MARCHF1: variants seen among roughly 807,000 people sequenced by gnomAD.
MARCHF1 encodes the protein E3 ubiquitin-protein ligase MARCHF1.
MARCHF1 carries 40 observed loss-of-function variants against 54.2 expected under a neutral mutation model. That is an observed-to-expected ratio of 0.74 (90% CI 0.57 to 0.96). The LOEUF is 0.96. Among genes scored for constraint, MARCHF1 ranks in the 40% least tolerant of loss-of-function variants. MARCHF1 has a pLI of 0.00. For missense variants in MARCHF1, 586 were observed against 656.5 expected (o/e 0.89, Z 1.17); for synonymous variants, 236 against 236.3 (o/e 1.00, Z 0.01).
At chr4:164,284,319 T>TGAGAGAGAGAGAGACA (rs1270262835) in intron 1 of MARCHF1, among the ~76,000 whole-genome samples, 6 of 126,072 alleles carry the variant, frequency 4.8e-5, no homozygotes, top group African/African-American at 2.1e-4. Context: ...CTAAAGAAAG[T>TGAGAGAGAGAGAGACA]GAGAGAGAGA....
At chr4:163,610,243 T>C (rs143607307) in intron 7 of MARCHF1, among the ~76,000 whole-genome samples, 1 of 152,196 alleles carries the variant, frequency 6.6e-6, no homozygotes, top group Non-Finnish European at 1.5e-5. Context: ...ACTTAGATCA[T>C]AAGCCACTTA....
chr4:164,038,124 G>A (rs537210764), intron 2 of MARCHF1, among the ~76,000 whole-genome samples: 72 of 152,198 alleles, frequency 4.7e-4, no homozygotes, highest in Non-Finnish European at 7.9e-4. Context: ...GTTACAATTA[G>A]AGAAATACTG....
chr4:164,084,501 CTTTT>C (rs1178856033), intron 2 of MARCHF1, among the ~76,000 whole-genome samples: 1 of 151,690 alleles, frequency 6.6e-6, no homozygotes, highest in Admixed American at 6.6e-5. Context: ...GATTAAAAAA[CTTTT>C]TATTTGTAGA....
intron 9 of MARCHF1, among the ~76,000 whole-genome samples, chr4:163,542,914 G>A (rs1168540748): frequency 3.3e-5 from 5 of 152,162 alleles, no homozygotes; most frequent in African/African-American, 1.2e-4. Flanking sequence ...GTTGGGATGA[G>A]GGAGGTGTGT....
rs3059785 is a variant in MARCHF1, at chr4:164,168,663, TACACACACACAC to T, written c.-322-57013_-322-57002del. On this transcript the variant is annotated intron_variant, in intron 1 of 9. Coordinates refer to ENST00000514618, the MANE Select transcript of MARCHF1 (RefSeq NM_001394959.1). ...TGCATGATCTCACTTTTATGTGGAA[TACACACACACAC>T]ACACACACACACACAAACACATAGA... 1.1e-4 allele frequency among the ~76,000 whole-genome samples: 16 copies of T among 147,166 alleles called. No individual in the cohort carries two copies. In the South Asian group the frequency reaches 2.1e-3, roughly 20 times the overall value.
intron 4 of MARCHF1, among the ~76,000 whole-genome samples, chr4:163,839,851 G>C (rs1445515380): frequency 6.6e-6 from 1 of 151,938 alleles, no homozygotes; most frequent in South Asian, 2.1e-4. Context: ...TGCTTTAAAT[G>C]AATCAACTTA....
chr4:163,985,178 C>T (rs555349195), intron 3 of MARCHF1, among the ~76,000 whole-genome samples: 1 of 132,426 alleles, frequency 7.6e-6, no homozygotes, highest in Admixed American at 8.4e-5. Context: ...CCAATATCTA[C>T]TCACTTCATA....
At chr4:163,725,674 A>G (rs1429946619) in intron 4 of MARCHF1, among the ~76,000 whole-genome samples, 1 of 152,194 alleles carries the variant, frequency 6.6e-6, no homozygotes, top group Admixed American at 6.5e-5. Flanking sequence ...ATAGAACAGC[A>G]TGTCAGGGCA....
intron 4 of MARCHF1, among the ~76,000 whole-genome samples, chr4:163,844,018 G>A (rs191778403): frequency 6.6e-6 from 1 of 151,876 alleles, no homozygotes; most frequent in Non-Finnish European, 1.5e-5. Flanking sequence ...TACAAGTACA[G>A]TTTTGTTACA....
chr4:163,914,520 A>T (rs945705901), intron 3 of MARCHF1, among the ~76,000 whole-genome samples: 3 of 152,176 alleles, frequency 2.0e-5, no homozygotes, highest in African/African-American at 7.2e-5. Context: ...AAATTAATAA[A>T]TTAAAAAGAA....
chr4:164,336,442 T>C (rs1729741230), intron 1 of MARCHF1, among the ~76,000 whole-genome samples: 1 of 152,256 alleles, frequency 6.6e-6, no homozygotes, highest in African/African-American at 2.4e-5. Flanking sequence ...CATCATTTTA[T>C]GCAAATCAGT....
At chr4:164,264,226 T>C (rs1180405609) in intron 1 of MARCHF1, among the ~76,000 whole-genome samples, 1 of 152,142 alleles carries the variant, frequency 6.6e-6, no homozygotes, top group Non-Finnish European at 1.5e-5. Flanking sequence ...CTTAGCAAAC[T>C]AATGCAGGAA....
intron 1 of MARCHF1, among the ~76,000 whole-genome samples, chr4:164,236,079 AT>A (rs1198205579): frequency 7.2e-5 from 11 of 152,012 alleles, no homozygotes; most frequent in Non-Finnish European, 1.5e-4. Context: ...AAGGATTCTA[AT>A]TTTTTAGTAC....
At chr4:163,617,383 G>T (rs12331790) in intron 5 of MARCHF1, among the ~76,000 whole-genome samples, 191 of 152,206 alleles carry the variant, frequency 1.3e-3, no homozygotes, top group African/African-American at 4.5e-3. Flanking sequence ...AAGAGATGTT[G>T]GATGTTCCCC....
intron 5 of MARCHF1, among the ~76,000 whole-genome samples, chr4:163,699,454 C>T (rs1744737771): frequency 6.6e-6 from 1 of 152,088 alleles, no homozygotes; most frequent in Admixed American, 6.6e-5. Flanking sequence ...CTTTGGAAAC[C>T]AGCATAAGAT....
chr4:164,367,924 T>C (rs1578904980), intron 1 of MARCHF1, among the ~76,000 whole-genome samples: 2 of 151,996 alleles, frequency 1.3e-5, no homozygotes, highest in East Asian at 3.9e-4. Context: ...AAACACTATA[T>C]GTATATCAAA....
intron 1 of MARCHF1, among the ~76,000 whole-genome samples, chr4:164,373,495 C>T (rs1216266759): frequency 6.6e-6 from 1 of 150,878 alleles, no homozygotes; most frequent in Non-Finnish European, 1.5e-5. Context: ...GCTAGGATTA[C>T]AGGTGTGAGC....
At chr4:163,585,981 C>A in intron 7 of MARCHF1, 52 bp from the exon 8 acceptor site, 1 of 1,504,732 alleles carries the variant, frequency 6.6e-7, no homozygotes, top group East Asian at 2.3e-5. Context: ...ACATTTCTCG[C>A]CTGTGTTATT....
intron 3 of MARCHF1, among the ~76,000 whole-genome samples, chr4:163,960,065 T>C (rs960311657): frequency 2.0e-5 from 3 of 152,042 alleles, no homozygotes; most frequent in Non-Finnish European, 4.4e-5. Flanking sequence ...AAGCTCAATA[T>C]CACTGATCGT....
Sources: allele counts gnomAD v4.1 joint callset (sites outside exome capture counted in the v4.1 genomes callset), GRCh38; gene constraint gnomAD v4.1.1; transcripts MANE v1.5; gene names NCBI Gene and HGNC (gene_info 2026-07-23, HGNC 2026-07-21).